The following SHISA6 variants were observed in gnomAD, a reference collection of about 807,000 sequenced individuals.
SHISA6 encodes shisa family member 6.
In SHISA6, 22 loss-of-function variants were observed where a neutral mutation model predicts 47.9. That is an observed-to-expected ratio of 0.46 (90% confidence interval 0.33 to 0.66). The LOEUF (loss-of-function observed/expected upper bound fraction) is 0.66. Ranked by LOEUF, SHISA6 falls within the 30% of genes least tolerant of loss-of-function variation. The probability of loss-of-function intolerance (pLI) is 0.02; values close to 1 mark genes in which losing one functional copy is unlikely to be tolerated. For missense variants in SHISA6, 680 were observed against 764.6 expected, an observed-to-expected ratio of 0.89 and a Z score of 1.30; for synonymous variants, 388 against 337.8, an observed-to-expected ratio of 1.15 and a Z score of -1.63.
chr17:11,300,451 C>T (rs1909886574), intron 2 of SHISA6, among the ~76,000 whole-genome samples: 2 of 152,154 alleles, frequency 1.3e-5, no homozygotes, highest in Admixed American at 6.5e-5. Flanking sequence ...TCCTTCTCAA[C>T]ACTGTTTTCC....
At chr17:11,282,522 A>G (rs1247693047) in intron 2 of SHISA6, among the ~76,000 whole-genome samples, 3 of 151,938 alleles carry the variant, frequency 2.0e-5, no homozygotes, top group East Asian at 1.9e-4. Context: ...TACATTAGGT[A>G]TTTCTCCTAA....
intron 3 of SHISA6, among the ~76,000 whole-genome samples, chr17:11,396,199 TA>T (rs1210625591): frequency 6.6e-6 from 1 of 152,248 alleles, no homozygotes; most frequent in Non-Finnish European, 1.5e-5. Context: ...ATGGATTTCC[TA>T]ATATTGACCT....
At chr17:11,326,045 C>A (rs370777088) in intron 2 of SHISA6, among the ~76,000 whole-genome samples, 1 of 152,126 alleles carries the variant, frequency 6.6e-6, no homozygotes, top group Non-Finnish European at 1.5e-5. Context: ...CCAAGGCCGG[C>A]GGATCACGAG....
intron 3 of SHISA6, among the ~76,000 whole-genome samples, chr17:11,466,016 G>A (rs543016623): frequency 4.2e-4 from 64 of 152,236 alleles, no homozygotes; most frequent in African/African-American, 1.5e-3. Flanking sequence ...TACAACTGAA[G>A]GAATGCAGTG....
At chr17:11,371,665 A>G (rs985932112) in intron 2 of SHISA6, among the ~76,000 whole-genome samples, 3 of 151,890 alleles carry the variant, frequency 2.0e-5, no homozygotes, top group Non-Finnish European at 4.4e-5. Flanking sequence ...TGGCCCTTGT[A>G]CTTCTTTTTA....
chr17:11,308,433 G>A (rs916889539), intron 2 of SHISA6, among the ~76,000 whole-genome samples: 1 of 152,122 alleles, frequency 6.6e-6, no homozygotes, highest in Admixed American at 6.5e-5. Flanking sequence ...TGGCAGGAGC[G>A]TGGTTTTCTC....
chr17:11,387,205 C>T (rs902991851), intron 3 of SHISA6, among the ~76,000 whole-genome samples: 1 of 152,162 alleles, frequency 6.6e-6, no homozygotes, highest in Non-Finnish European at 1.5e-5. Context: ...CAGATCTCGT[C>T]ATCCCATCCA....
chr17:11,279,040 G>C (rs541215426), intron 2 of SHISA6, among the ~76,000 whole-genome samples: 26 of 152,248 alleles, frequency 1.7e-4, no homozygotes, highest in African/African-American at 6.0e-4. Flanking sequence ...AAACAGCAAA[G>C]TCTTGTAAGT....
At chr17:11,393,133 T>A (rs541390699) in intron 3 of SHISA6, among the ~76,000 whole-genome samples, 43 of 152,344 alleles carry the variant, frequency 2.8e-4, no homozygotes, top group African/African-American at 9.9e-4. Context: ...TATCTGGGCA[T>A]TTATTGAGGT....
chr17:11,243,091 G>C (rs1907435787), intron 1 of SHISA6, among the ~76,000 whole-genome samples: 1 of 151,786 alleles, frequency 6.6e-6, no homozygotes, highest in Non-Finnish European at 1.5e-5. Flanking sequence ...CACTGCCCTA[G>C]TCACCATGAG....
chr17:11,530,056 G>A (rs890503070), intron 3 of SHISA6, among the ~76,000 whole-genome samples: 1 of 152,002 alleles, frequency 6.6e-6, no homozygotes, highest in Non-Finnish European at 1.5e-5. Flanking sequence ...GAGGGGAAAT[G>A]GGCACAGTAC....
chr17:11,328,655 A>G (rs1311252433), intron 2 of SHISA6, among the ~76,000 whole-genome samples: 1 of 152,260 alleles, frequency 6.6e-6, no homozygotes, highest in Non-Finnish European at 1.5e-5. Flanking sequence ...AACAAAAACT[A>G]CAAGTAACAA....
At chr17:11,405,329 C>T (rs528367550) in intron 3 of SHISA6, among the ~76,000 whole-genome samples, 9 of 152,112 alleles carry the variant, frequency 5.9e-5, no homozygotes, top group East Asian at 1.9e-4. Context: ...CTTCTGGTCC[C>T]GGAGTAAATT....
intron 1 of SHISA6, among the ~76,000 whole-genome samples, chr17:11,261,951 C>T (rs1908248070): frequency 6.6e-6 from 1 of 152,158 alleles, no homozygotes; most frequent in Non-Finnish European, 1.5e-5. Context: ...ATGAAGGCTC[C>T]AATTTCTCTA....
In SHISA6 at chr17:11,278,459, A is replaced by G. The variant is rs765934436; in HGVS notation, c.799+14933A>G. On this transcript the variant is annotated intron_variant, in intron 2 of 5. Coordinates refer to ENST00000441885, the MANE Select transcript of SHISA6 (RefSeq NM_207386.4). Reference sequence around the variant, plus strand: ...TGTGTCTCCTCGCCCATATGTGTTGAGTGAAGATAAGGCAATCACTTTAGA... The same window carrying G: ...TGTGTCTCCTCGCCCATATGTGTTGGGTGAAGATAAGGCAATCACTTTAGA... Among the ~76,000 whole-genome samples the G allele has an allele frequency of 2.6e-4, 39 of 152,372 alleles. No individual in the cohort carries two copies. The Middle Eastern group carries it at 0.01, about 40-fold the overall frequency.
rs149911489 is a variant in SHISA6, at chr17:11,525,599, C to T, written c.896-26297C>T. ...AGGGAGCCGAGATCGCGCCACTGCACTCCAGCCTGGCAACAGAGCAAGACT... is the reference window on the plus strand; with the variant it reads ...AGGGAGCCGAGATCGCGCCACTGCATTCCAGCCTGGCAACAGAGCAAGACT... On this transcript the variant is annotated intron_variant, in intron 3 of 5. Coordinates refer to ENST00000441885, the MANE Select transcript of SHISA6 (RefSeq NM_207386.4). Among the ~76,000 whole-genome samples, 728 of 135,426 alleles carry T rather than the reference C, an allele frequency of 5.4e-3. 5 individuals are homozygous for T. Among genetic ancestry groups the T allele is most frequent in the African/African-American group, 0.019 (686 of 35,622 alleles). 88.8% of individuals were successfully genotyped at this position (135,426 alleles called of 152,430 possible).
chr17:11,471,026 A>G (rs527335205), intron 3 of SHISA6, among the ~76,000 whole-genome samples: 2 of 152,242 alleles, frequency 1.3e-5, no homozygotes, highest in Admixed American at 1.3e-4. Flanking sequence ...TCTGGCCAAC[A>G]TGGCAAAACC....
At chr17:11,448,432 C>T (rs951743210) in intron 3 of SHISA6, among the ~76,000 whole-genome samples, 8 of 149,952 alleles carry the variant, frequency 5.3e-5, no homozygotes, top group African/African-American at 1.7e-4. Flanking sequence ...ATCAGGAGGC[C>T]GAAGTGGGAG....
intron 1 of SHISA6, among the ~76,000 whole-genome samples, chr17:11,260,367 T>G (rs1044267915): frequency 6.6e-6 from 1 of 152,078 alleles, no homozygotes; most frequent in Non-Finnish European, 1.5e-5. Flanking sequence ...ACTACTAAGG[T>G]GACTCTTCAC....
Sources: allele counts gnomAD v4.1 joint callset (sites outside exome capture counted in the v4.1 genomes callset), GRCh38; gene constraint gnomAD v4.1.1; transcripts MANE v1.5; gene names NCBI Gene and HGNC (gene_info 2026-07-23, HGNC 2026-07-21).